UST: variants seen among roughly 807,000 people sequenced by gnomAD.
UST encodes uronyl 2-sulfotransferase.
UST carries 21 observed loss-of-function variants against 45.6 expected under a neutral mutation model. That is an observed-to-expected ratio of 0.46 (90% CI 0.33 to 0.66). The LOEUF (loss-of-function observed/expected upper bound fraction) is 0.66, where lower values mean the gene tolerates loss of function less well. Among genes scored for constraint, UST ranks in the 30% least tolerant of loss-of-function variants. UST has a pLI of 0.02. For synonymous variants in UST, 215 were observed against 200.6 expected, an observed-to-expected ratio of 1.07 and a Z score of -0.61; for missense variants, 463 against 512.4, an observed-to-expected ratio of 0.90 and a Z score of 0.93.
chr6:149,009,828 T>C (rs1255216849), intron 5 of UST, among the ~76,000 whole-genome samples: 1 of 151,830 alleles, frequency 6.6e-6, no homozygotes. Flanking sequence ...TGTCTTTTTT[T>C]TTTTTGACAT....
At chr6:148,820,173 T>C (rs1040642581) in intron 1 of UST, among the ~76,000 whole-genome samples, 13 of 152,182 alleles carry the variant, frequency 8.5e-5, no homozygotes, top group Non-Finnish European at 1.3e-4. Context: ...CTCTAATCTT[T>C]TTCCTTTAAA....
intron 2 of UST, among the ~76,000 whole-genome samples, chr6:148,920,625 C>T (rs371759047): frequency 6.6e-6 from 1 of 152,288 alleles, no homozygotes; most frequent in East Asian, 1.9e-4. Context: ...ACCTCCTGGG[C>T]TCAAGCAATC....
intron 1 of UST, among the ~76,000 whole-genome samples, chr6:148,800,018 C>G (rs1048387312): frequency 6.6e-6 from 1 of 152,138 alleles, no homozygotes; most frequent in Non-Finnish European, 1.5e-5. Flanking sequence ...AAATTGCAAA[C>G]CCTAAGGTGA....
At chr6:148,749,113 C>T (rs1036931763) in intron 1 of UST, among the ~76,000 whole-genome samples, 1 of 152,116 alleles carries the variant, frequency 6.6e-6, no homozygotes, top group Non-Finnish European at 1.5e-5. Context: ...TGGGGAACTA[C>T]AGATTACAGG....
In UST at chr6:148,886,988, A is replaced by C; in HGVS notation, c.250A>C (p.Asn84His). 6.2e-7 allele frequency: 1 copy of C among 1,612,414 alleles called. No individual in the cohort carries two copies. The highest frequency in any genetic ancestry group is 8.5e-7 in the Non-Finnish European group (1 of 1,179,280). Reference sequence around the variant, plus strand: ...CAACTTTTTCCTTTATTTTCTAGGAAATTCCACTTACTTGGATGACCATGG... The same window carrying C: ...CAACTTTTTCCTTTATTTTCTAGGACATTCCACTTACTTGGATGACCATGG... ...FLLDLRQYLG[N>H]STYLDDHGPP... is the part of the protein sequence containing the mutation. The change falls in exon 2 of 8, where the codon AAT (asparagine) becomes CAT (histidine). Residue 84 changes from asparagine to histidine, a missense_variant and splice_region_variant. Physicochemically the swap from Asn to His is moderately conservative, Grantham distance 68. This residue lies in a region of UST where 176 missense variants were observed against 138.3 expected (regional missense o/e 1.27). Transcript: ENST00000367463.
chr6:149,036,913 G>A (rs917897984), intron 7 of UST, among the ~76,000 whole-genome samples: 28 of 152,198 alleles, frequency 1.8e-4, no homozygotes, highest in Non-Finnish European at 2.5e-4. Context: ...GGGAGGAAAT[G>A]TAAATTATAA....
chr6:149,021,759 T>C (rs1775984432), intron 7 of UST, among the ~76,000 whole-genome samples: 1 of 152,202 alleles, frequency 6.6e-6, no homozygotes, highest in Non-Finnish European at 1.5e-5. Context: ...ATCAGCCTTG[T>C]CTTGAGCATG....
In UST at chr6:149,075,527, G is replaced by A. The variant is rs1180421651; in HGVS notation, c.*1411G>A. The stretch of plus-strand genomic sequence containing the variant: ...TCCAATGTGATGTGAGTACATGTTG[G>A]GCAGTCTCACTGTCCTAAGGTATGT... On this transcript the variant is annotated 3_prime_UTR_variant, in exon 8 of 8. Coordinates refer to ENST00000367463, the MANE Select transcript of UST (RefSeq NM_005715.3). The A allele has an allele frequency of 6.6e-6, 1 of 152,106 alleles. No individual in the cohort carries two copies. Among genetic ancestry groups the A allele is most frequent in the African/African-American group, 2.4e-5 (1 of 41,414 alleles). 9.4% of individuals were successfully genotyped at this position (152,106 alleles called of 1,614,324 possible).
At chr6:148,762,588 T>C (rs1562559992) in intron 1 of UST, among the ~76,000 whole-genome samples, 1 of 151,766 alleles carries the variant, frequency 6.6e-6, no homozygotes, top group Non-Finnish European at 1.5e-5. Flanking sequence ...GCTTTTTACA[T>C]GGGTATATTG....
intron 1 of UST, among the ~76,000 whole-genome samples, chr6:148,865,664 T>TTGTGTGTGTGTG (rs56252604): frequency 1.7e-5 from 2 of 117,848 alleles, no homozygotes; most frequent in South Asian, 3.2e-4. Flanking sequence ...CTTGCTGAAA[T>TTGTGTGTGTGTG]TGTGTGTGTG....
intron 2 of UST, among the ~76,000 whole-genome samples, chr6:148,897,707 C>A (rs1377541158): frequency 6.6e-6 from 1 of 151,652 alleles, no homozygotes; most frequent in East Asian, 1.9e-4. Context: ...CCCAGGCTGG[C>A]CTTGAACCCC....
intron 1 of UST, among the ~76,000 whole-genome samples, chr6:148,871,895 CACCTGGGGCTGTTCTTA>C (rs1259394278): frequency 6.6e-6 from 1 of 152,212 alleles, no homozygotes; most frequent in African/African-American, 2.4e-5. Context: ...AGTGAGCAAG[CACCTGGGGCTGTTCTTA>C]ACCTTCACTA....
At chr6:148,938,468 C>A (rs1780060726) in intron 2 of UST, among the ~76,000 whole-genome samples, 1 of 152,104 alleles carries the variant, frequency 6.6e-6, no homozygotes, top group Non-Finnish European at 1.5e-5. Context: ...AAATGCTACC[C>A]TGCATACAAA....
chr6:148,841,581 G>GTTTTTT (rs770638985), intron 1 of UST, among the ~76,000 whole-genome samples: 4 of 111,288 alleles, frequency 3.6e-5, no homozygotes, highest in African/African-American at 6.8e-5. Flanking sequence ...GGTCTGTTTT[G>GTTTTTT]TTTTTGTTTT....
At chr6:148,949,067 G>A (rs1780305414) in intron 3 of UST, among the ~76,000 whole-genome samples, 1 of 152,026 alleles carries the variant, frequency 6.6e-6, no homozygotes, top group Non-Finnish European at 1.5e-5. Flanking sequence ...AAGGCGGGTG[G>A]ATCACCTGAG....
intron 7 of UST, among the ~76,000 whole-genome samples, chr6:149,050,580 G>T (rs1056347872): frequency 4.6e-5 from 7 of 152,100 alleles, no homozygotes; most frequent in Admixed American, 2.6e-4. Context: ...TTTCTGAGAG[G>T]TAAACACCAG....
intron 7 of UST, among the ~76,000 whole-genome samples, chr6:149,035,108 T>C (rs1019448699): frequency 2.0e-5 from 3 of 152,184 alleles, no homozygotes; most frequent in Non-Finnish European, 4.4e-5. Context: ...AGATTCATCC[T>C]TTCTATGCGC....
intron 1 of UST, among the ~76,000 whole-genome samples, chr6:148,826,032 G>A (rs1777562080): frequency 6.6e-6 from 1 of 152,182 alleles, no homozygotes; most frequent in Admixed American, 6.5e-5. Flanking sequence ...CATGGAATGA[G>A]TCAAGATTGG....
chr6:148,935,405 T>C (rs868324139), intron 2 of UST, among the ~76,000 whole-genome samples: 1 of 152,176 alleles, frequency 6.6e-6, no homozygotes, highest in African/African-American at 2.4e-5. Context: ...TACTTCTCTA[T>C]AGGGCACCTA....
Sources: allele counts gnomAD v4.1 joint callset (sites outside exome capture counted in the v4.1 genomes callset), GRCh38; gene constraint gnomAD v4.1.1; regional missense constraint gnomAD v4.1.1; transcripts MANE v1.5; gene names NCBI Gene and HGNC (gene_info 2026-07-23, HGNC 2026-07-21).